Variants in ANKUB1 observed in about 807,000 individuals in gnomAD.
ANKUB1 encodes protein ANKUB1.
ANKUB1 carries 42 observed loss-of-function variants against 49.3 expected under a neutral mutation model. That is an observed-to-expected ratio of 0.85 (90% CI 0.67 to 1.10). The LOEUF (loss-of-function observed/expected upper bound fraction) is 1.10, where lower values mean the gene tolerates loss of function less well. Among genes scored for constraint, ANKUB1 ranks in the 50% least tolerant of loss-of-function variants. ANKUB1 has a pLI of 0.00. For synonymous variants in ANKUB1, 222 were observed against 231.0 expected, an observed-to-expected ratio of 0.96 and a Z score of 0.35; for missense variants, 613 against 642.0, an observed-to-expected ratio of 0.95 and a Z score of 0.49.
At chr3:149,783,570 C>A (rs552311808) in intron 2 of ANKUB1, 1 of 152,288 alleles carries the variant, frequency 6.6e-6, no homozygotes, top group African/African-American at 2.4e-5. Flanking sequence ...AAAGGAAAAG[C>A]TAAACAGAAC....
At chr3:149,776,140 C>T (rs1419344870) in intron 3 of ANKUB1, among the ~76,000 whole-genome samples, 2 of 152,200 alleles carry the variant, frequency 1.3e-5, no homozygotes, top group East Asian at 1.9e-4. Context: ...TCTAAGCCCA[C>T]CAAAGACCTT....
chr3:149,768,294 A>G (rs554977039), intron 4 of ANKUB1, among the ~76,000 whole-genome samples, 199 bp from the exon 5 acceptor site: 1 of 152,356 alleles, frequency 6.6e-6, no homozygotes, highest in East Asian at 1.9e-4. Flanking sequence ...TTATCCTACT[A>G]TGCACGTGTA....
rs1465156742 is a variant in ANKUB1 at position 149,761,522 on chromosome 3, G to C, written c.1597C>G (p.Leu533Val). The change falls in exon 6 of 6, where the codon CTG becomes GTG. Residue 533 changes from leucine (L) to valine (V), a missense_variant. Leu to Val is a conservative substitution (Grantham distance 32, BLOSUM62 1). Transcript: ENST00000446160. ...SISNLTTRGG[L>V]TACENSLETV... ...TCTAGAGAGTTTTCACACGCTGTCA[G>C]ACCTCCTCGGGTAGTCAAGTTAGAA... 6.4e-7 allele frequency: 1 copy of C among 1,551,464 alleles called. No homozygotes were observed.
chr3:149,764,619 C>G (rs1304965998), intron 5 of ANKUB1, among the ~76,000 whole-genome samples: 1 of 139,068 alleles, frequency 7.2e-6, no homozygotes, highest in South Asian at 2.6e-4. Flanking sequence ...TCCCTCCTCT[C>G]CTCCCTTCCT....
At chr3:149,791,255 A>G (rs143229761) in intron 1 of ANKUB1, among the ~76,000 whole-genome samples, 1,789 of 152,298 alleles carry the variant, frequency 0.012, 33 homozygotes, top group African/African-American at 0.041. Flanking sequence ...TTCATATCAC[A>G]TTATAGTTGT....
intron 4 of ANKUB1, among the ~76,000 whole-genome samples, chr3:149,768,828 C>G (rs553196753): frequency 6.6e-6 from 1 of 152,138 alleles, no homozygotes; most frequent in Non-Finnish European, 1.5e-5. Context: ...CAGGTGTGAA[C>G]CACTGTGCCC....
chr3:149,764,637 TC>T, intron 5 of ANKUB1, among the ~76,000 whole-genome samples: 2 of 59,196 alleles, frequency 3.4e-5, no homozygotes, highest in Admixed American at 1.6e-4. Context: ...CCTCCCTTCC[TC>T]TCTCTTTCTT....
chr3:149,779,334 T>C (rs1053503616), intron 3 of ANKUB1: 1 of 145,780 alleles, frequency 6.9e-6, no homozygotes, highest in Non-Finnish European at 1.6e-5. Flanking sequence ...GCTATTGTTT[T>C]TGTTTTTTGT....
intron 5 of ANKUB1, among the ~76,000 whole-genome samples, chr3:149,766,064 T>A (rs926102415): frequency 1.3e-5 from 2 of 152,324 alleles, no homozygotes; most frequent in African/African-American, 4.8e-5. Flanking sequence ...GAAAAGTCGC[T>A]TGTAAATCTA....
At chr3:149,778,013 A>G (rs77806513) in intron 3 of ANKUB1, among the ~76,000 whole-genome samples, 1,694 of 152,320 alleles carry the variant, frequency 0.011, 30 homozygotes, top group African/African-American at 0.039. Context: ...AACTCCTGAT[A>G]GCAGCAGGGA....
At chr3:149,772,747 T>C (rs1717421370) in intron 3 of ANKUB1, among the ~76,000 whole-genome samples, 1 of 152,190 alleles carries the variant, frequency 6.6e-6, no homozygotes, top group South Asian at 2.1e-4. Context: ...CCCTGGCTTA[T>C]GGTGGACACT....
chr3:149,781,755 T>C (rs1002205558), intron 2 of ANKUB1, among the ~76,000 whole-genome samples: 5 of 152,324 alleles, frequency 3.3e-5, no homozygotes, highest in Admixed American at 1.3e-4. Flanking sequence ...AGGAGTGATG[T>C]TACTGATGAA....
Position 149,792,443 on chromosome 3 carries a change from C to T in ANKUB1, c.-77G>A. 1 of 1,199,930 alleles carries T rather than the reference C, an allele frequency of 8.3e-7. No individual in the cohort carries two copies. The highest frequency in any genetic ancestry group is 1.1e-6 in the Non-Finnish European group (1 of 889,342). The allele number at this position is 1,199,930 out of a possible 1,614,324, so 74.3% of individuals were successfully genotyped here. On this transcript the variant is annotated 5_prime_UTR_variant, in exon 1 of 6. Transcript: ENST00000446160. ...CTGGATGGCTAGAAAAATTCCGGTT[C>T]ACAATTAAGGACAAAAATGATAGCC...
intron 5 of ANKUB1, among the ~76,000 whole-genome samples, chr3:149,763,086 G>A (rs1261067823): frequency 1.3e-5 from 2 of 152,172 alleles, no homozygotes. Flanking sequence ...GTCTATGTCT[G>A]CCTGATTCAA....
chr3:149,789,630 C>CTTT (rs35696242), intron 2 of ANKUB1, among the ~76,000 whole-genome samples: 2 of 140,548 alleles, frequency 1.4e-5, no homozygotes, highest in East Asian at 2.1e-4. Context: ...GAAGAATATT[C>CTTT]TTTTTTTTTT....
chr3:149,774,012 G>A (rs1271394588), intron 3 of ANKUB1, among the ~76,000 whole-genome samples: 2 of 152,142 alleles, frequency 1.3e-5, no homozygotes, highest in Non-Finnish European at 2.9e-5. Context: ...TGAAAAAGAT[G>A]TAGGTCAGTA....
intron 3 of ANKUB1, among the ~76,000 whole-genome samples, chr3:149,774,635 A>G (rs1257518849): frequency 6.6e-6 from 1 of 152,190 alleles, no homozygotes; most frequent in Non-Finnish European, 1.5e-5. Flanking sequence ...CACCTCCATC[A>G]GGCCCTGTAT....
intron 3 of ANKUB1, among the ~76,000 whole-genome samples, chr3:149,777,218 A>G (rs925452443): frequency 2.6e-5 from 4 of 152,162 alleles, no homozygotes; most frequent in Non-Finnish European, 5.9e-5. Flanking sequence ...TCACGCCTGT[A>G]ATCCCAGCAC....
intron 1 of ANKUB1, 69 bp downstream of exon 1, chr3:149,792,208 T>C (rs1201967187): frequency 2.6e-6 from 3 of 1,148,684 alleles, no homozygotes; most frequent in South Asian, 2.1e-5. Flanking sequence ...CTACCCTTTG[T>C]ACATTTTTAA....
Sources: allele counts gnomAD v4.1 joint callset (sites outside exome capture counted in the v4.1 genomes callset), GRCh38; gene constraint gnomAD v4.1.1; transcripts MANE v1.5; gene names NCBI Gene and HGNC (gene_info 2026-07-23, HGNC 2026-07-21).